The following SLC39A14 variants were observed in gnomAD, a reference collection of about 807,000 sequenced individuals.
SLC39A14 encodes solute carrier family 39 member 14.
Under a neutral mutation model 45.5 loss-of-function variants are expected in SLC39A14, and 19 were observed. The observed-to-expected ratio is 0.42, with a 90% CI of 0.29 to 0.61. The LOEUF (loss-of-function observed/expected upper bound fraction) is 0.61. Ranked by LOEUF, SLC39A14 falls within the 20% of genes least tolerant of loss-of-function variation. The pLI is 0.22. For missense variants in SLC39A14, 447 were observed against 616.5 expected (o/e 0.73, Z 2.91); for synonymous variants, 264 against 251.3 (o/e 1.05, Z -0.48).
chr8:22,410,604 C>G (rs1563584211), intron 3 of SLC39A14, among the ~76,000 whole-genome samples: 1 of 152,108 alleles, frequency 6.6e-6, no homozygotes, highest in Non-Finnish European at 1.5e-5. Context: ...AGCAGGCCAT[C>G]GTTTCTAGCA....
intron 7 of SLC39A14, among the ~76,000 whole-genome samples, chr8:22,417,264 A>T (rs1835941786): frequency 6.6e-6 from 1 of 152,210 alleles, no homozygotes; most frequent in Non-Finnish European, 1.5e-5. Context: ...GAGAGAAATG[A>T]GGAGGCCAGT....
chr8:22,372,472 C>T (rs1273352743), intron 1 of SLC39A14, among the ~76,000 whole-genome samples: 1 of 152,092 alleles, frequency 6.6e-6, no homozygotes, highest in Admixed American at 6.6e-5. Flanking sequence ...TCTTTTTTAA[C>T]CAACACACAT....
intron 2 of SLC39A14, among the ~76,000 whole-genome samples, chr8:22,406,829 C>T (rs1051799512): frequency 2.0e-5 from 3 of 152,208 alleles, no homozygotes; most frequent in Admixed American, 6.5e-5. Flanking sequence ...CCTCAGGACC[C>T]GCCAGGATAG....
chr8:22,390,636 T>C, intron 1 of SLC39A14: 1 of 171,722 alleles, frequency 5.8e-6, no homozygotes, highest in Non-Finnish European at 1.3e-5. Context: ...CCCTCTCCTC[T>C]TCCCCTTTGT....
rs1486857796 is a variant in SLC39A14 at position 22,432,873 on chromosome 8, G to A, written c.1333-1018G>A. ...TTACCATGTTGGACAGGTTGGTCTC[G>A]AACTCCTGACCTCAGGTGATCCACC... On this transcript the variant is annotated intron_variant, in intron 8 of 8. Coordinates refer to the SLC39A14 transcript ENST00000240095. 6.3e-5 allele frequency among the ~76,000 whole-genome samples: 9 copies of A among 142,362 alleles called. No individual in the cohort carries two copies. The East Asian group carries it at 1.8e-3, about 29-fold the overall frequency. The allele number at this position is 142,362 out of a possible 152,430, so 93.4% of individuals were successfully genotyped here.
At position 22,395,823 on chromosome 8, in the gene SLC39A14, C is replaced by A. The variant is rs1485282371; in HGVS notation, c.-15-8873C>A. On this transcript the variant is annotated intron_variant, in intron 1 of 8. Transcript: ENST00000381237. The stretch of plus-strand genomic sequence containing the variant: ...TTGCCTGCCGTTTCTTTTCCTCTTC[C>A]TCATGTGAGTGCAGTTCTGCTCACA... 2.6e-5 allele frequency among the ~76,000 whole-genome samples: 4 copies of A among 152,288 alleles called. No homozygotes were observed. The East Asian group carries it at 7.7e-4, about 29-fold the overall frequency.
intron 1 of SLC39A14, among the ~76,000 whole-genome samples, chr8:22,378,952 A>C (rs1833353911): frequency 1.3e-5 from 2 of 152,200 alleles, no homozygotes; most frequent in Admixed American, 1.3e-4. Flanking sequence ...AAAACGACAG[A>C]AATGTATTCT....
intron 1 of SLC39A14, among the ~76,000 whole-genome samples, chr8:22,371,916 T>C (rs1832959664): frequency 6.6e-6 from 1 of 151,650 alleles, no homozygotes; most frequent in African/African-American, 2.4e-5. Context: ...GGCTAATTTT[T>C]GTATTTTTAG....
At chr8:22,419,130 GTTTT>G (rs1836067734) in intron 8 of SLC39A14, among the ~76,000 whole-genome samples, 1 of 152,152 alleles carries the variant, frequency 6.6e-6, no homozygotes. Flanking sequence ...TGAGTACTTT[GTTTT>G]ACCTAGACAG....
At chr8:22,398,192 T>C (rs1159949661) in intron 1 of SLC39A14, 2 of 152,238 alleles carry the variant, frequency 1.3e-5, no homozygotes, top group East Asian at 1.9e-4. Context: ...CCCTGTGGTC[T>C]TTCTTTGTGT....
Position 22,415,591 on chromosome 8 carries a change from C to T in SLC39A14, c.751-178C>T, listed in dbSNP as rs151199429. ...GATTACAGGTGTGAGCCACCGTGCCCGACCATGGCTTTATATAATAGCTTT... is the reference window on the plus strand; with the variant it reads ...GATTACAGGTGTGAGCCACCGTGCCTGACCATGGCTTTATATAATAGCTTT... On this transcript the variant is annotated intron_variant, in intron 5 of 8. Transcript: ENST00000381237. 777 of 590,320 alleles carry T rather than the reference C, an allele frequency of 1.3e-3. 2 individuals carry two copies. Among genetic ancestry groups the T allele is most frequent in the Non-Finnish European group, 2.0e-3 (689 of 349,210 alleles). The allele number at this position is 590,320 out of a possible 1,614,324, so 36.6% of individuals were successfully genotyped here.
chr8:22,413,958 T>C (rs1835729557), intron 4 of SLC39A14, among the ~76,000 whole-genome samples: 1 of 151,886 alleles, frequency 6.6e-6, no homozygotes, highest in Non-Finnish European at 1.5e-5. Flanking sequence ...TTTTTTTTTT[T>C]AGTAGAGTTG....
In SLC39A14 at chr8:22,422,368, C is replaced by G. The variant is rs1836278034; in HGVS notation, c.*2670C>G. ...AGTGTCAAATTGGAGCTATTCTTCACTGGTCCTTAACCTTGGGTTTTAAAA... is the reference window on the plus strand; with the variant it reads ...AGTGTCAAATTGGAGCTATTCTTCAGTGGTCCTTAACCTTGGGTTTTAAAA... On this transcript the variant is annotated 3_prime_UTR_variant, in exon 9 of 9. Coordinates refer to ENST00000381237, the MANE Select transcript of SLC39A14 (RefSeq NM_001128431.4). 2.0e-6 allele frequency: 2 copies of G among 985,872 alleles called. No individual in the cohort carries two copies. Among genetic ancestry groups the G allele is most frequent in the African/African-American group, 3.5e-5 (2 of 57,366 alleles). The allele number at this position is 985,872 out of a possible 1,614,324, so 61.1% of individuals were successfully genotyped here. A position where few individuals can be genotyped will look rare whatever the true frequency, so the allele number is the denominator to read the frequency against.
chr8:22,421,370 T>C lies in SLC39A14; in HGVS notation c.*1672T>C, dbSNP rs1420846000. The C allele has an allele frequency of 2.0e-6, 2 of 985,792 alleles. No homozygotes were observed. The highest frequency in any genetic ancestry group is 3.5e-5 in the African/African-American group (2 of 57,262). 61.1% of individuals were successfully genotyped at this position (985,792 alleles called of 1,614,324 possible). On this transcript the variant is annotated 3_prime_UTR_variant, in exon 9 of 9. Coordinates refer to ENST00000381237, the MANE Select transcript of SLC39A14 (RefSeq NM_001128431.4). ...AAAGAACGTGAGCAGGAAAAACTGC[T>C]GGTGATACTTTTTTTAAGTTTTGTT...
At chr8:22,392,246 G>A (rs558326239) in intron 1 of SLC39A14, among the ~76,000 whole-genome samples, 40 of 152,276 alleles carry the variant, frequency 2.6e-4, no homozygotes, top group South Asian at 6.2e-4. Flanking sequence ...AACTAGGAAG[G>A]TGCCGGGCTC....
intron 1 of SLC39A14, among the ~76,000 whole-genome samples, chr8:22,372,918 A>T (rs1833009983): frequency 6.6e-6 from 1 of 152,016 alleles, no homozygotes; most frequent in Non-Finnish European, 1.5e-5. Flanking sequence ...TAAAATAGTT[A>T]TTTATTCATT....
At chr8:22,431,576 C>T (rs1384536371) in intron 8 of SLC39A14, among the ~76,000 whole-genome samples, 2 of 152,158 alleles carry the variant, frequency 1.3e-5, no homozygotes, top group African/African-American at 2.4e-5. Context: ...GTTTAGGAAG[C>T]GCTTAGGGAG....
At position 22,419,706 on chromosome 8, in the gene SLC39A14, C is replaced by T. The variant is rs1437347085; in HGVS notation, c.*8C>T. Reference sequence around the variant, plus strand: ...CAGATCCAGATTGGGTAGGGCTCTGCCAAGAGCCTGTGGGACTGGAAGTCG... The same window carrying T: ...CAGATCCAGATTGGGTAGGGCTCTGTCAAGAGCCTGTGGGACTGGAAGTCG... On this transcript the variant is annotated 3_prime_UTR_variant, in exon 9 of 9. Coordinates refer to ENST00000381237, the MANE Select transcript of SLC39A14 (RefSeq NM_001128431.4). 6.3e-7 allele frequency: 1 copy of T among 1,583,182 alleles called. No individual in the cohort carries two copies. The highest frequency in any genetic ancestry group is 1.4e-5 in the African/African-American group (1 of 73,752).
chr8:22,386,143 A>G (rs1220274822), intron 1 of SLC39A14, among the ~76,000 whole-genome samples: 1 of 151,222 alleles, frequency 6.6e-6, no homozygotes, highest in Non-Finnish European at 1.5e-5. Context: ...GGGTTTCATT[A>G]TATGTTGGCC....
Sources: gnomAD v4.1 joint callset for allele counts (sites outside exome capture counted in the v4.1 genomes callset) on GRCh38, gnomAD v4.1.1 for gene constraint, MANE v1.5 for transcripts, NCBI Gene and HGNC (gene_info 2026-07-23, HGNC 2026-07-21) for gene names.